PLPPR1: variants seen among roughly 807,000 people sequenced by gnomAD.
PLPPR1 encodes phospholipid phosphatase related 1, also known as phospholipid phosphatase-related protein type 1.
In PLPPR1, 10 loss-of-function variants were observed where a neutral mutation model predicts 33.1. The observed-to-expected ratio is 0.30, with a 90% CI of 0.19 to 0.51. The LOEUF is 0.51. PLPPR1 is among the 20% of genes least tolerant of loss of function. The pLI, the probability that PLPPR1 is intolerant of heterozygous loss-of-function variation, is 0.97. For synonymous variants in PLPPR1, 151 were observed against 151.0 expected, an observed-to-expected ratio of 1.00 and a Z score of 0.00; for missense variants, 304 against 408.1, an observed-to-expected ratio of 0.74 and a Z score of 2.20.
intron 4 of PLPPR1, among the ~76,000 whole-genome samples, chr9:101,308,682 T>A (rs1828898979): frequency 6.6e-6 from 1 of 150,956 alleles, no homozygotes; most frequent in Non-Finnish European, 1.5e-5. Context: ...AGATCCTCCT[T>A]TACTCTCACC....
At chr9:101,265,823 C>T (rs1312497926) in intron 2 of PLPPR1, among the ~76,000 whole-genome samples, 1 of 151,672 alleles carries the variant, frequency 6.6e-6, no homozygotes, top group Non-Finnish European at 1.5e-5. Context: ...AGTGAAACCC[C>T]GTCTCTACTA....
intron 1 of PLPPR1, among the ~76,000 whole-genome samples, chr9:101,059,434 C>T (rs1440926170): frequency 1.3e-5 from 2 of 152,012 alleles, no homozygotes; most frequent in African/African-American, 2.4e-5. Flanking sequence ...CACCAGCCAC[C>T]TGTCTGTAAA....
At chr9:101,117,152 G>A (rs1431203435) in intron 1 of PLPPR1, among the ~76,000 whole-genome samples, 1 of 152,100 alleles carries the variant, frequency 6.6e-6, no homozygotes, top group African/African-American at 2.4e-5. Context: ...ATCATGTATA[G>A]AGGCTGGGTA....
At chr9:101,261,558 C>T (rs1200028786) in intron 2 of PLPPR1, among the ~76,000 whole-genome samples, 1 of 152,044 alleles carries the variant, frequency 6.6e-6, no homozygotes, top group Non-Finnish European at 1.5e-5. Flanking sequence ...ACTTTAATTG[C>T]TTTAATTAAA....
At chr9:101,242,265 A>G (rs1301604610) in intron 2 of PLPPR1, among the ~76,000 whole-genome samples, 1 of 149,312 alleles carries the variant, frequency 6.7e-6, no homozygotes, top group Non-Finnish European at 1.5e-5. Context: ...TCTCTGATAT[A>G]GTCTCGGAAA....
At chr9:101,175,883 T>C (rs573232027) in intron 1 of PLPPR1, among the ~76,000 whole-genome samples, 13 of 152,212 alleles carry the variant, frequency 8.5e-5, no homozygotes, top group Admixed American at 8.5e-4. Flanking sequence ...TCCCTATTCC[T>C]TTCACTAAGT....
At chr9:101,313,896 T>C (rs141097671) in intron 6 of PLPPR1, among the ~76,000 whole-genome samples, 142 of 152,326 alleles carry the variant, frequency 9.3e-4, no homozygotes, top group African/African-American at 3.2e-3. Context: ...TACGATTTCA[T>C]ATTAATTGAA....
chr9:101,294,794 A>T (rs1271451950), intron 4 of PLPPR1, among the ~76,000 whole-genome samples: 3 of 152,192 alleles, frequency 2.0e-5, no homozygotes, highest in Non-Finnish European at 4.4e-5. Context: ...TATTGATGGG[A>T]CGTATCTCAA....
intron 4 of PLPPR1, among the ~76,000 whole-genome samples, chr9:101,298,306 T>A (rs1828685299): frequency 6.6e-6 from 1 of 152,182 alleles, no homozygotes; most frequent in Non-Finnish European, 1.5e-5. Flanking sequence ...TTCTGCCATT[T>A]AGGTCCGGTC....
At chr9:101,145,082 T>A (rs749339930) in intron 1 of PLPPR1, among the ~76,000 whole-genome samples, 11 of 152,076 alleles carry the variant, frequency 7.2e-5, no homozygotes, top group Non-Finnish European at 1.3e-4. Context: ...CATGTTGCTG[T>A]AACTCACAGA....
chr9:101,110,897 A>G (rs920223588), intron 1 of PLPPR1, among the ~76,000 whole-genome samples: 1 of 152,174 alleles, frequency 6.6e-6, no homozygotes, highest in African/African-American at 2.4e-5. Context: ...ATCTTATGGG[A>G]ATAACTAGGT....
At chr9:101,150,572 G>C (rs950668082) in intron 1 of PLPPR1, among the ~76,000 whole-genome samples, 21 of 152,190 alleles carry the variant, frequency 1.4e-4, no homozygotes, top group African/African-American at 5.1e-4. Context: ...TTTAATCTTA[G>C]GCATCTGATT....
chr9:101,047,440 G>T (rs952585573), intron 1 of PLPPR1, among the ~76,000 whole-genome samples: 1 of 152,162 alleles, frequency 6.6e-6, no homozygotes, highest in Non-Finnish European at 1.5e-5. Context: ...ATATCTGAGC[G>T]CTGTGTGAAG....
intron 2 of PLPPR1, among the ~76,000 whole-genome samples, chr9:101,208,101 C>T (rs986074033): frequency 6.6e-6 from 1 of 152,144 alleles, no homozygotes; most frequent in African/African-American, 2.4e-5. Context: ...TTTTGGTTAG[C>T]CAAGTCTCAC....
intron 2 of PLPPR1, among the ~76,000 whole-genome samples, chr9:101,237,979 C>CTA (rs367867610): frequency 0.079 from 6,289 of 79,168 alleles, 236 homozygotes; most frequent in Middle Eastern, 0.11. Flanking sequence ...GCTATATAGC[C>CTA]TATATATATA....
At chr9:101,272,401 C>T (rs751947912) in intron 3 of PLPPR1, among the ~76,000 whole-genome samples, 1 of 152,094 alleles carries the variant, frequency 6.6e-6, no homozygotes, top group Non-Finnish European at 1.5e-5. Flanking sequence ...GTATGTAAAG[C>T]GCTTAGAAAG....
chr9:101,323,805 C>A (rs963686317), intron 7 of PLPPR1, among the ~76,000 whole-genome samples: 1 of 151,944 alleles, frequency 6.6e-6, no homozygotes, highest in African/African-American at 2.4e-5. Context: ...CACCATTGCA[C>A]TCCAGCCTGG....
chr9:101,264,714 T>C (rs891373949), intron 2 of PLPPR1, among the ~76,000 whole-genome samples: 1 of 152,180 alleles, frequency 6.6e-6, no homozygotes, highest in African/African-American at 2.4e-5. Flanking sequence ...AGAAACTTCT[T>C]TGGGGACAGA....
intron 1 of PLPPR1, among the ~76,000 whole-genome samples, chr9:101,083,725 G>C (rs761282225): frequency 1.3e-5 from 2 of 152,198 alleles, no homozygotes; most frequent in East Asian, 3.9e-4. Context: ...AAGAAGGCTT[G>C]ATTGAGGAAT....
Sources: allele counts gnomAD v4.1 joint callset (sites outside exome capture counted in the v4.1 genomes callset), GRCh38; gene constraint gnomAD v4.1.1; transcripts MANE v1.5; gene names NCBI Gene and HGNC (gene_info 2026-07-23, HGNC 2026-07-21).